Variants in TMEM38B observed in about 807,000 individuals in gnomAD.
TMEM38B encodes trimeric intracellular cation channel type B.
In TMEM38B, 24 loss-of-function variants were observed where a neutral mutation model predicts 28.7. The observed-to-expected ratio is 0.84, with a 90% confidence interval of 0.61 to 1.18. The LOEUF (loss-of-function observed/expected upper bound fraction) is 1.18, where lower values mean the gene tolerates loss of function less well. Ranked by LOEUF, TMEM38B falls within the 50% of genes most tolerant of loss-of-function variation. TMEM38B has a pLI of 0.00. For synonymous variants in TMEM38B, 131 were observed against 127.7 expected (o/e 1.03, Z -0.17); for missense variants, 380 against 350.9 (o/e 1.08, Z -0.66).
chr9:105,702,461 G>A (rs10816299), intron 1 of TMEM38B, among the ~76,000 whole-genome samples: 27,911 of 151,996 alleles, frequency 0.18, 4,098 homozygotes, highest in East Asian at 0.46. Flanking sequence ...AATAGACTGA[G>A]TACAAGAAAA....
intron 5 of TMEM38B, among the ~76,000 whole-genome samples, chr9:105,762,245 A>AT (rs1169808258): frequency 6.6e-6 from 1 of 150,970 alleles, no homozygotes; most frequent in African/African-American, 2.5e-5. Context: ...AACTGGCTAT[A>AT]AATTTTTTTT....
chr9:105,755,124 T>G (rs886367035), intron 5 of TMEM38B, among the ~76,000 whole-genome samples: 1 of 152,154 alleles, frequency 6.6e-6, no homozygotes, highest in Non-Finnish European at 1.5e-5. Context: ...CAGTAATTAG[T>G]TCTTAAATTG....
intron 1 of TMEM38B, among the ~76,000 whole-genome samples, chr9:105,698,653 A>G (rs1314948900): frequency 6.6e-6 from 1 of 152,138 alleles, no homozygotes; most frequent in East Asian, 1.9e-4. Context: ...AAATTTTTGC[A>G]TTTATGTTTA....
intron 4 of TMEM38B, among the ~76,000 whole-genome samples, chr9:105,728,245 C>T (rs1012114585): frequency 1.9e-4 from 29 of 151,806 alleles, no homozygotes; most frequent in Non-Finnish European, 3.5e-4. Context: ...CTCTCCCAGC[C>T]CCCCAGCCCC....
chr9:105,729,042 C>T (rs1470670259), intron 4 of TMEM38B, among the ~76,000 whole-genome samples: 1 of 152,182 alleles, frequency 6.6e-6, no homozygotes, highest in Non-Finnish European at 1.5e-5. Context: ...CCTGTTCACT[C>T]TGATGGTAGT....
intron 4 of TMEM38B, among the ~76,000 whole-genome samples, chr9:105,726,742 T>G (rs987644852): frequency 6.6e-6 from 1 of 152,168 alleles, no homozygotes; most frequent in Admixed American, 6.6e-5. Context: ...TTGGTCCAAT[T>G]AATTTGTAAC....
intron 4 of TMEM38B, among the ~76,000 whole-genome samples, chr9:105,738,558 A>G (rs1431237329): frequency 6.6e-6 from 1 of 152,018 alleles, no homozygotes; most frequent in African/African-American, 2.4e-5. Flanking sequence ...CCACCTTGCT[A>G]ACATCACTCT....
chr9:105,718,194 A>C (rs1280490017), intron 2 of TMEM38B, among the ~76,000 whole-genome samples: 1 of 151,956 alleles, frequency 6.6e-6, no homozygotes, highest in Non-Finnish European at 1.5e-5. Context: ...TTTCTTTTTC[A>C]AAGTTTTCAT....
In TMEM38B at chr9:105,731,229, A is replaced by G. The variant is rs189528100; in HGVS notation, c.542+8608A>G. ...TGCTATAAATTTCCCTCTACACACCACTTTAAATGTGCCCCAGAGATTCTG... is the reference window on the plus strand; with the variant it reads ...TGCTATAAATTTCCCTCTACACACCGCTTTAAATGTGCCCCAGAGATTCTG... On this transcript the variant is annotated intron_variant, in intron 4 of 5. Transcript: ENST00000374692. Among the ~76,000 whole-genome samples, 860 of 151,918 alleles carry G rather than the reference A, an allele frequency of 5.7e-3. 5 individuals carry two copies. Among genetic ancestry groups the G allele is most frequent in the Middle Eastern group, 0.014 (4 of 294 alleles).
At chr9:105,715,534 T>C (rs991903958) in intron 2 of TMEM38B, among the ~76,000 whole-genome samples, 4 of 152,054 alleles carry the variant, frequency 2.6e-5, no homozygotes, top group Non-Finnish European at 5.9e-5. Flanking sequence ...GTATATTGGC[T>C]CTTCTTTGCC....
chr9:105,722,693 AT>A, intron 4 of TMEM38B, 72 bp downstream of exon 4: 2 of 1,262,522 alleles, frequency 1.6e-6, no homozygotes, highest in Non-Finnish European at 2.3e-6. Context: ...TTTTAAGAAC[AT>A]TTTAGGGACT....
chr9:105,753,769 T>C (rs1464771436), intron 5 of TMEM38B, among the ~76,000 whole-genome samples: 2 of 152,030 alleles, frequency 1.3e-5, no homozygotes, highest in African/African-American at 4.8e-5. Flanking sequence ...GTCTGCAAAA[T>C]AACCAGCTAG....
intron 4 of TMEM38B, among the ~76,000 whole-genome samples, chr9:105,738,411 C>T (rs1458098245): frequency 7.2e-5 from 11 of 151,982 alleles, no homozygotes; most frequent in Non-Finnish European, 1.5e-4. Flanking sequence ...TTTTTGTGCT[C>T]TATATATAGA....
intron 4 of TMEM38B, among the ~76,000 whole-genome samples, chr9:105,731,666 A>G (rs370918780): frequency 1.3e-5 from 2 of 152,100 alleles, no homozygotes; most frequent in Non-Finnish European, 2.9e-5. Context: ...ATAGTATTCC[A>G]TGGTGTATAT....
intron 2 of TMEM38B, among the ~76,000 whole-genome samples, chr9:105,706,818 T>A (rs1489211436): frequency 6.6e-6 from 1 of 152,096 alleles, no homozygotes; most frequent in Non-Finnish European, 1.5e-5. Context: ...GGAAAACTTT[T>A]TTTTTTTTCT....
intron 5 of TMEM38B, chr9:105,759,267 T>C (rs746029076): frequency 2.8e-6 from 2 of 727,114 alleles, no homozygotes; most frequent in Non-Finnish European, 5.0e-6. Context: ...TTCAGATAGA[T>C]CCAGTGGGAT....
At chr9:105,710,140 G>C (rs1426718318) in intron 2 of TMEM38B, 2 of 225,522 alleles carry the variant, frequency 8.9e-6, no homozygotes, top group Non-Finnish European at 1.8e-5. Flanking sequence ...TCAGACCAGA[G>C]TCAAAATATT....
intron 5 of TMEM38B, among the ~76,000 whole-genome samples, chr9:105,767,307 G>T (rs1294380067): frequency 2.0e-5 from 3 of 152,010 alleles, no homozygotes; most frequent in African/African-American, 7.2e-5. Context: ...TGATTTATAT[G>T]TCTATTTCTA....
Position 105,694,600 on chromosome 9 carries a change from C to G in TMEM38B, c.-61C>G, listed in dbSNP as rs908557569. On this transcript the variant is annotated 5_prime_UTR_variant, in exon 1 of 6. Transcript: ENST00000374692. ...CGGCTGTGCCCTCTCCTACTCCTCA[C>G]CGCGCGAGCGCGGGGAACCAGTAGC... The G allele has an allele frequency of 1.4e-6, 2 of 1,458,246 alleles. No individual in the cohort carries two copies. Among genetic ancestry groups the G allele is most frequent in the East Asian group, 2.3e-5 (1 of 43,770 alleles). The allele number at this position is 1,458,246 out of a possible 1,614,324, so 90.3% of individuals were successfully genotyped here.
Sources: gnomAD v4.1 joint callset for allele counts (sites outside exome capture counted in the v4.1 genomes callset) on GRCh38, gnomAD v4.1.1 for gene constraint, MANE v1.5 for transcripts, NCBI Gene and HGNC (gene_info 2026-07-23, HGNC 2026-07-21) for gene names.